Variants in DACH1 observed in about 807,000 individuals in gnomAD.
DACH1 encodes the protein dachshund homolog 1.
DACH1 carries 12 observed loss-of-function variants against 54.2 expected under a neutral mutation model. The ratio of observed to expected loss-of-function variants is 0.22; its 90% confidence interval spans 0.14 to 0.36. The LOEUF is 0.36. Ranked by LOEUF, DACH1 falls within the 10% of genes least tolerant of loss-of-function variation. DACH1 has a pLI of 1.00. For synonymous variants in DACH1, 386 were observed against 366.2 expected, an observed-to-expected ratio of 1.05 and a Z score of -0.62; for missense variants, 805 against 929.8, an observed-to-expected ratio of 0.87 and a Z score of 1.75.
rs199546133 is a variant in DACH1 at position 71,489,056 on chromosome 13, A to G, written c.1663T>C (p.Ser555Pro). The change falls in exon 7 of 11, where the codon TCT becomes CCT. Residue 555 changes from serine (S) to proline (P), a missense_variant. Ser to Pro is a moderately conservative substitution (Grantham distance 74, BLOSUM62 -1). Coordinates refer to ENST00000613252, the MANE Select transcript of DACH1 (RefSeq NM_080759.6). ...AGTCCATCAGGAAACAGAAAAGGAG[A>G]TGGAAAACCTGGAGGCAGTGGTTGT... ...HGQPLPPGFP[S>P]PFLFPDGLSS... The G allele has an allele frequency of 5.4e-4, 865 of 1,613,884 alleles. 6 individuals carry two copies. The Middle Eastern group carries it at 6.8e-3, about 13-fold the overall frequency.
intron 3 of DACH1, among the ~76,000 whole-genome samples, chr13:71,628,151 A>G (rs933361695): frequency 2.0e-4 from 31 of 152,042 alleles, no homozygotes; most frequent in Non-Finnish European, 1.6e-4. Flanking sequence ...ACTTACCAAG[A>G]GGCAGGCATT....
chr13:71,717,504 T>TCACACACACACACACACA (rs3221998), intron 1 of DACH1, among the ~76,000 whole-genome samples: 56 of 142,886 alleles, frequency 3.9e-4, no homozygotes, highest in African/African-American at 1.1e-3. Flanking sequence ...GTGTGTGTAA[T>TCACACACACACACACACA]CACACACACA....
intron 1 of DACH1, among the ~76,000 whole-genome samples, chr13:71,783,472 G>T (rs1018338203): frequency 2.0e-5 from 3 of 152,068 alleles, no homozygotes; most frequent in Admixed American, 2.0e-4. Context: ...AAAAATGTAA[G>T]ATAAAAATAA....
chr13:71,466,821 G>C (rs1876613774), intron 10 of DACH1, among the ~76,000 whole-genome samples: 1 of 135,462 alleles, frequency 7.4e-6, no homozygotes, highest in Admixed American at 8.2e-5. Flanking sequence ...ACTCCAGCCT[G>C]GGTGACAGAG....
At chr13:71,534,150 G>T in intron 6 of DACH1, among the ~76,000 whole-genome samples, 1 of 151,890 alleles carries the variant, frequency 6.6e-6, no homozygotes, top group South Asian at 2.1e-4. Context: ...CATCTGACAG[G>T]GGAAAATGAA....
chr13:71,762,327 G>A (rs1298000786), intron 1 of DACH1, among the ~76,000 whole-genome samples: 5 of 152,028 alleles, frequency 3.3e-5, no homozygotes, highest in Admixed American at 1.3e-4. Context: ...AGGACATTTA[G>A]GTGTGAAAAG....
At chr13:71,833,552 G>A (rs1477993024) in intron 1 of DACH1, among the ~76,000 whole-genome samples, 2 of 151,910 alleles carry the variant, frequency 1.3e-5, no homozygotes, top group African/African-American at 4.8e-5. Context: ...GAGTGATAAT[G>A]TTGGAACTTA....
intron 1 of DACH1, among the ~76,000 whole-genome samples, chr13:71,719,924 G>C (rs1883149502): frequency 6.6e-6 from 1 of 152,018 alleles, no homozygotes; most frequent in African/African-American, 2.4e-5. Flanking sequence ...TATATTAACT[G>C]TTTCTACTTT....
At chr13:71,451,817 T>C (rs2138117985) in intron 10 of DACH1, among the ~76,000 whole-genome samples, 1 of 152,294 alleles carries the variant, frequency 6.6e-6, no homozygotes, top group South Asian at 2.1e-4. Context: ...AAGTTGGATG[T>C]CAGATCAGAT....
chr13:71,474,094 G>A (rs1420371372), intron 10 of DACH1, among the ~76,000 whole-genome samples: 1 of 151,980 alleles, frequency 6.6e-6, no homozygotes, highest in Non-Finnish European at 1.5e-5. Flanking sequence ...AATAACATAT[G>A]ATTCAAACCT....
intron 2 of DACH1, among the ~76,000 whole-genome samples, chr13:71,637,171 T>C (rs759168347): frequency 2.6e-5 from 4 of 152,034 alleles, no homozygotes; most frequent in Admixed American, 6.6e-5. Flanking sequence ...CTAACTTATC[T>C]GGGATGGCGC....
chr13:71,847,401 A>G lies in DACH1; in HGVS notation c.848+18521T>C, dbSNP rs989082699. On this transcript the variant is annotated intron_variant, in intron 1 of 10. Coordinates refer to ENST00000613252, the MANE Select transcript of DACH1 (RefSeq NM_080759.6). ...ATTGCATTTATAATGGGTGCCTACTATGTGCTAGAAAGTATCTGAGGGTTT... is the reference window on the plus strand; with the variant it reads ...ATTGCATTTATAATGGGTGCCTACTGTGTGCTAGAAAGTATCTGAGGGTTT... Among the ~76,000 whole-genome samples, 90 of 152,200 alleles carry G rather than the reference A, an allele frequency of 5.9e-4. 2 individuals carry two copies. Among genetic ancestry groups the G allele is most frequent in the Non-Finnish European group, 1.9e-4 (13 of 68,030 alleles).
chr13:71,836,982 T>C (rs994200418), intron 1 of DACH1, among the ~76,000 whole-genome samples: 1 of 151,796 alleles, frequency 6.6e-6, no homozygotes, highest in Non-Finnish European at 1.5e-5. Flanking sequence ...GTAGATAAAA[T>C]GTAGTTTTCA....
intron 1 of DACH1, among the ~76,000 whole-genome samples, chr13:71,693,837 A>G (rs1435560715): frequency 6.6e-6 from 1 of 152,162 alleles, no homozygotes; most frequent in African/African-American, 2.4e-5. Flanking sequence ...GTGTATAGAA[A>G]AAATACAGCA....
intron 1 of DACH1, among the ~76,000 whole-genome samples, chr13:71,840,070 C>T (rs1292094282): frequency 2.6e-5 from 4 of 152,082 alleles, no homozygotes; most frequent in Admixed American, 6.6e-5. Flanking sequence ...CTTTGGCCTC[C>T]CAAGTAGCTG....
intron 1 of DACH1, among the ~76,000 whole-genome samples, chr13:71,850,509 A>T (rs1312552133): frequency 2.0e-5 from 3 of 152,306 alleles, no homozygotes; most frequent in South Asian, 2.1e-4. Flanking sequence ...TCTCTAAAAG[A>T]ATGAACACTT....
intron 1 of DACH1, among the ~76,000 whole-genome samples, chr13:71,747,767 G>A (rs751088178): frequency 6.6e-6 from 1 of 152,118 alleles, no homozygotes; most frequent in African/African-American, 2.4e-5. Context: ...AGGAAGCAAG[G>A]AAATCTGAGT....
chr13:71,773,216 C>T (rs1378897721), intron 1 of DACH1, among the ~76,000 whole-genome samples: 1 of 151,694 alleles, frequency 6.6e-6, no homozygotes, highest in Non-Finnish European at 1.5e-5. Context: ...CTGAACTTTC[C>T]GCTACATTTT....
At chr13:71,592,734 G>A (rs1442427090) in intron 3 of DACH1, among the ~76,000 whole-genome samples, 4 of 151,902 alleles carry the variant, frequency 2.6e-5, no homozygotes, top group Non-Finnish European at 5.9e-5. Flanking sequence ...ATAAATTCTG[G>A]AAATCCAAGT....
Sources: allele counts gnomAD v4.1 joint callset (sites outside exome capture counted in the v4.1 genomes callset), GRCh38; gene constraint gnomAD v4.1.1; transcripts MANE v1.5; gene names NCBI Gene and HGNC (gene_info 2026-07-23, HGNC 2026-07-21).